Variants in SLC35F1 observed in about 807,000 individuals in gnomAD.
SLC35F1 encodes the protein solute carrier family 35 member F1.
Under a neutral mutation model 48.7 loss-of-function variants are expected in SLC35F1, and 14 were observed. The ratio of observed to expected loss-of-function variants is 0.29; its 90% CI spans 0.19 to 0.45. The LOEUF (loss-of-function observed/expected upper bound fraction) is 0.45, where lower values mean the gene tolerates loss of function less well. SLC35F1 is among the 20% of genes least tolerant of loss of function. The probability of loss-of-function intolerance (pLI) is 1.00; values close to 1 mark genes in which losing one functional copy is unlikely to be tolerated. For missense variants in SLC35F1, 404 were observed against 500.0 expected, an observed-to-expected ratio of 0.81 and a Z score of 1.83; for synonymous variants, 190 against 202.2, an observed-to-expected ratio of 0.94 and a Z score of 0.51.
At chr6:118,102,555 G>T (rs1773273094) in intron 1 of SLC35F1, among the ~76,000 whole-genome samples, 1 of 152,212 alleles carries the variant, frequency 6.6e-6, no homozygotes, top group Non-Finnish European at 1.5e-5. Context: ...GACAGCCCTG[G>T]ATGACAAGGG....
chr6:118,289,342 A>G (rs1269208859), intron 7 of SLC35F1, among the ~76,000 whole-genome samples: 2 of 152,200 alleles, frequency 1.3e-5, no homozygotes, highest in Middle Eastern at 3.2e-3. Context: ...AGGAGTTTTT[A>G]TTTCTCAGAG....
chr6:118,088,414 C>T (rs1773023194), intron 1 of SLC35F1, among the ~76,000 whole-genome samples: 1 of 152,110 alleles, frequency 6.6e-6, no homozygotes, highest in Admixed American at 6.6e-5. Context: ...CTGACCATGG[C>T]CACAAAAGTA....
chr6:117,916,054 G>A (rs1775822155), intron 1 of SLC35F1, among the ~76,000 whole-genome samples: 1 of 152,178 alleles, frequency 6.6e-6, no homozygotes, highest in Admixed American at 6.5e-5. Context: ...CAGGGCCTAG[G>A]GTGCTGAGTG....
At chr6:118,092,550 C>T (rs1773090553) in intron 1 of SLC35F1, among the ~76,000 whole-genome samples, 1 of 152,180 alleles carries the variant, frequency 6.6e-6, no homozygotes, top group African/African-American at 2.4e-5. Context: ...CCGCCATCCT[C>T]CAGACCTCCA....
chr6:118,048,478 C>G (rs1772333627), intron 1 of SLC35F1, among the ~76,000 whole-genome samples: 1 of 152,082 alleles, frequency 6.6e-6, no homozygotes, highest in African/African-American at 2.4e-5. Flanking sequence ...TGTCTCAGCC[C>G]AAAATCTCCT....
chr6:118,280,136 T>C (rs999156967), intron 6 of SLC35F1, among the ~76,000 whole-genome samples: 2 of 152,200 alleles, frequency 1.3e-5, no homozygotes, highest in Admixed American at 6.5e-5. Context: ...TATTCCATTG[T>C]TTTACAGTAC....
At chr6:117,935,395 C>G (rs1776152013) in intron 1 of SLC35F1, among the ~76,000 whole-genome samples, 1 of 152,164 alleles carries the variant, frequency 6.6e-6, no homozygotes, top group Non-Finnish European at 1.5e-5. Context: ...CAGGGTTAGG[C>G]TCTTGTGAGC....
At chr6:118,292,167 T>C (rs413876) in intron 7 of SLC35F1, among the ~76,000 whole-genome samples, 100,275 of 151,616 alleles carry the variant, frequency 0.66, 33,751 homozygotes, top group Middle Eastern at 0.77. Context: ...ATGCTTGGGT[T>C]CCCCTCTCAC....
intron 1 of SLC35F1, among the ~76,000 whole-genome samples, chr6:117,926,240 A>G (rs893585812): frequency 6.6e-6 from 1 of 152,008 alleles, no homozygotes; most frequent in Non-Finnish European, 1.5e-5. Flanking sequence ...ATGAGATATG[A>G]TGGTTTTATA....
chr6:117,993,292 A>G (rs1776943904), intron 1 of SLC35F1, among the ~76,000 whole-genome samples: 1 of 152,098 alleles, frequency 6.6e-6, no homozygotes, highest in Admixed American at 6.5e-5. Flanking sequence ...TCCTATGGTA[A>G]TGTTTACCCT....
At chr6:118,013,477 A>G (rs1480625890) in intron 1 of SLC35F1, among the ~76,000 whole-genome samples, 2 of 152,212 alleles carry the variant, frequency 1.3e-5, no homozygotes, top group African/African-American at 4.8e-5. Context: ...AGCCAAACCA[A>G]TAAGGGCTTT....
At chr6:118,226,906 C>A (rs1775226199) in intron 2 of SLC35F1, among the ~76,000 whole-genome samples, 2 of 152,096 alleles carry the variant, frequency 1.3e-5, no homozygotes, top group African/African-American at 4.8e-5. Flanking sequence ...TCCCAGTTAC[C>A]CTAATTTGAT....
chr6:118,072,084 A>G (rs1582650474), intron 1 of SLC35F1, among the ~76,000 whole-genome samples: 1 of 152,174 alleles, frequency 6.6e-6, no homozygotes, highest in African/African-American at 2.4e-5. Flanking sequence ...TGCATCTTAC[A>G]TTACCTTTTG....
chr6:118,081,955 G>C (rs1205642052), intron 1 of SLC35F1, among the ~76,000 whole-genome samples: 1 of 152,190 alleles, frequency 6.6e-6, no homozygotes, highest in East Asian at 1.9e-4. Context: ...AACTTTTAAA[G>C]ACCCAAGGAA....
At chr6:118,113,819 T>C (rs1773441196) in intron 1 of SLC35F1, among the ~76,000 whole-genome samples, 1 of 152,214 alleles carries the variant, frequency 6.6e-6, no homozygotes, top group Non-Finnish European at 1.5e-5. Context: ...AAATTAGTTG[T>C]CCAGTATGGT....
chr6:117,944,684 C>T (rs1377127718), intron 1 of SLC35F1, among the ~76,000 whole-genome samples: 1 of 151,836 alleles, frequency 6.6e-6, no homozygotes, highest in African/African-American at 2.4e-5. Flanking sequence ...ACTTACTTTA[C>T]TACCATCCCT....
At chr6:118,004,728 A>G (rs1777151064) in intron 1 of SLC35F1, among the ~76,000 whole-genome samples, 3 of 151,916 alleles carry the variant, frequency 2.0e-5, no homozygotes, top group Admixed American at 2.0e-4. Context: ...AGCCTGGCTC[A>G]TTTTTTAATT....
rs971028167 is a variant in SLC35F1 at position 118,285,112 on chromosome 6, C to G, written c.848-72C>G. On this transcript the variant is annotated intron_variant, in intron 6 of 7. Transcript: ENST00000360388. ...ACAAGTGGTGTGCACTCTTCCCCTT[C>G]TTTCCTGCTGTGGATGCTGAAGATG... 1.2e-5 allele frequency: 19 copies of G among 1,554,150 alleles called. No homozygotes were observed. The African/African-American group carries it at 2.0e-4, about 17-fold the overall frequency.
At chr6:118,236,623 G>A (rs1775369054) in intron 3 of SLC35F1, among the ~76,000 whole-genome samples, 1 of 152,174 alleles carries the variant, frequency 6.6e-6, no homozygotes, top group Non-Finnish European at 1.5e-5. Context: ...GAACTTCAAA[G>A]ATAGCTTGAA....
Sources: gnomAD v4.1 joint callset for allele counts (sites outside exome capture counted in the v4.1 genomes callset) on GRCh38, gnomAD v4.1.1 for gene constraint, MANE v1.5 for transcripts, NCBI Gene and HGNC (gene_info 2026-07-23, HGNC 2026-07-21) for gene names.